Variants in TDRD12 observed in about 807,000 individuals in gnomAD.
The protein encoded by TDRD12 is putative ATP-dependent RNA helicase TDRD12.
A neutral mutation model predicts 133.5 loss-of-function variants in TDRD12; 158 were observed. The ratio of observed to expected loss-of-function variants is 1.18; its 90% CI spans 1.04 to 1.35. The LOEUF (loss-of-function observed/expected upper bound fraction) is 1.35, where lower values mean the gene tolerates loss of function less well. Ranked by LOEUF, TDRD12 falls within the 40% of genes most tolerant of loss-of-function variation. The pLI, the probability that TDRD12 is intolerant of heterozygous loss-of-function variation, is 0.00. For missense variants in TDRD12, 1,443 were observed against 1,321.3 expected (o/e 1.09, Z -1.43); for synonymous variants, 460 against 477.9 (o/e 0.96, Z 0.49).
intron 6 of TDRD12, among the ~76,000 whole-genome samples, chr19:32,754,260 G>A (rs980181255): frequency 2.0e-5 from 3 of 152,106 alleles, no homozygotes; most frequent in African/African-American, 7.2e-5. Context: ...CTTGAGCTCC[G>A]GAGTTTGAGA....
chr19:32,755,865 T>C, intron 6 of TDRD12, 127 bp from the exon 7 acceptor site: 1 of 685,314 alleles, frequency 1.5e-6, no homozygotes, highest in Non-Finnish European at 2.2e-6. Context: ...AATCTGTTTC[T>C]CTCAGATTAT....
chr19:32,774,078 G>A (rs928563977), intron 10 of TDRD12, among the ~76,000 whole-genome samples: 16 of 152,158 alleles, frequency 1.1e-4, no homozygotes, highest in East Asian at 9.6e-4. Context: ...ATCAGAGGCT[G>A]GGTCTGTACT....
intron 14 of TDRD12, among the ~76,000 whole-genome samples, chr19:32,796,782 C>T (rs538589095): frequency 1.2e-3 from 183 of 152,208 alleles, no homozygotes; most frequent in African/African-American, 4.2e-3. Flanking sequence ...GCTTTCTCCA[C>T]GCCTCCATGG....
rs1026707521 is a variant in TDRD12 at position 32,747,771 on chromosome 19, G to A, written c.441-705G>A. ...CGCCTGTAATCCCAGCACTTTGGGAGGCCAAGGCAGGAGAATCACTTGAGC... is the reference window on the plus strand; with the variant it reads ...CGCCTGTAATCCCAGCACTTTGGGAAGCCAAGGCAGGAGAATCACTTGAGC... On this transcript the variant is annotated intron_variant, in intron 4 of 27. Transcript: ENST00000444215. 1.3e-4 allele frequency among the ~76,000 whole-genome samples: 20 copies of A among 152,270 alleles called. No individual in the cohort carries two copies. The East Asian group carries it at 1.3e-3, about 10-fold the overall frequency.
intron 3 of TDRD12, among the ~76,000 whole-genome samples, chr19:32,739,999 C>T (rs1969365255): frequency 8.9e-6 from 1 of 112,828 alleles, no homozygotes; most frequent in Non-Finnish European, 1.8e-5. Context: ...CTCCTGGGTG[C>T]TCTCTGCATC....
chr19:32,821,985 TG>T (rs796141370), downstream of TDRD12, among the ~76,000 whole-genome samples: 18 of 151,850 alleles, frequency 1.2e-4, no homozygotes, highest in African/African-American at 2.7e-4. Context: ...CTGGGCATGG[TG>T]GGGGGGCACC....
At chr19:32,761,504 A>G (rs1430369860) in intron 8 of TDRD12, among the ~76,000 whole-genome samples, 1 of 152,078 alleles carries the variant, frequency 6.6e-6, no homozygotes, top group Non-Finnish European at 1.5e-5. Flanking sequence ...TGCACTTTGG[A>G]AGATTACAGA....
chr19:32,759,398 A>C (rs1284060726), intron 8 of TDRD12, among the ~76,000 whole-genome samples: 3 of 151,238 alleles, frequency 2.0e-5, no homozygotes, highest in African/African-American at 7.3e-5. Context: ...GAGTTCTAGC[A>C]TGTCTCAGTC....
chr19:32,811,650 G>A (rs1330702449), intron 24 of TDRD12, among the ~76,000 whole-genome samples: 14 of 152,158 alleles, frequency 9.2e-5, no homozygotes, highest in Non-Finnish European at 7.4e-5. Context: ...CACAGAATCT[G>A]TATAAAGTAG....
At chr19:32,742,995 T>C (rs1969479522) in intron 4 of TDRD12, 95 bp downstream of exon 4, 1 of 1,435,562 alleles carries the variant, frequency 7.0e-7, no homozygotes, top group Non-Finnish European at 9.3e-7. Context: ...GTAGAAGTGC[T>C]GAGCAGGAGG....
Position 32,802,145 on chromosome 19 carries a change from A to G in TDRD12, c.2197+272A>G, listed in dbSNP as rs560617051. Among the ~76,000 whole-genome samples the G allele has an allele frequency of 2.5e-4, 35 of 142,786 alleles. No homozygotes were observed. The South Asian group carries it at 7.5e-3, about 31-fold the overall frequency. 93.7% of individuals were successfully genotyped at this position (142,786 alleles called of 152,430 possible). A position where few individuals can be genotyped will look rare whatever the true frequency, so the allele number is the denominator to read the frequency against. ...GATCACTATCATATATATGATATATATTATCATATATATATATGATAATAT... is the reference window on the plus strand; with the variant it reads ...GATCACTATCATATATATGATATATGTTATCATATATATATATGATAATAT... On this transcript the variant is annotated intron_variant, in intron 19 of 27. Transcript: ENST00000444215.
intron 25 of TDRD12, among the ~76,000 whole-genome samples, chr19:32,814,632 G>A (rs1967114470): frequency 6.6e-6 from 1 of 152,140 alleles, no homozygotes; most frequent in South Asian, 2.1e-4. Flanking sequence ...ATTTTATTAA[G>A]CAGAGATTTA....
At chr19:32,800,532 T>A in intron 17 of TDRD12, 112 bp from the exon 18 acceptor site, 1 of 1,001,300 alleles carries the variant, frequency 1.0e-6, no homozygotes, top group East Asian at 2.7e-5. Context: ...TATTTAAATT[T>A]ATATTGATTT....
intron 11 of TDRD12, among the ~76,000 whole-genome samples, chr19:32,783,770 T>C (rs189184386): frequency 6.6e-5 from 10 of 152,304 alleles, no homozygotes; most frequent in Admixed American, 3.9e-4. Context: ...GTTTGTCTGT[T>C]ATTGGTGTAT....
intron 11 of TDRD12, among the ~76,000 whole-genome samples, chr19:32,789,934 G>A (rs992189573): frequency 8.6e-5 from 13 of 151,912 alleles, no homozygotes; most frequent in African/African-American, 1.5e-4. Flanking sequence ...CCTGGGAGGC[G>A]GATGTTGCAG....
chr19:32,807,794 C>G (rs1045620180), intron 22 of TDRD12, 146 bp downstream of exon 22: 1 of 469,216 alleles, frequency 2.1e-6, no homozygotes. Flanking sequence ...ACCAGAGGCA[C>G]GTGTCCTTAC....
intron 27 of TDRD12, among the ~76,000 whole-genome samples, chr19:32,818,482 G>A (rs1175967803): frequency 6.6e-6 from 1 of 152,246 alleles, no homozygotes; most frequent in East Asian, 1.9e-4. Context: ...AGAACAGACT[G>A]AAGGGAGGGC....
At chr19:32,772,347 T>C (rs1970464780) in intron 8 of TDRD12, among the ~76,000 whole-genome samples, 1 of 152,156 alleles carries the variant, frequency 6.6e-6, no homozygotes, top group African/African-American at 2.4e-5. Flanking sequence ...ACAGCACCAC[T>C]TCTGGGTGGG....
At chr19:32,790,579 T>C (rs1223362423) in exon 12 of TDRD12, 2 of 1,551,988 alleles carry the variant, frequency 1.3e-6, no homozygotes. Flanking sequence ...ACGGAATCTC[T>C]GATCTCCAGC....
Sources: allele counts gnomAD v4.1 joint callset (sites outside exome capture counted in the v4.1 genomes callset), GRCh38; gene constraint gnomAD v4.1.1; transcripts MANE v1.5; gene names NCBI Gene and HGNC (gene_info 2026-07-23, HGNC 2026-07-21).